NRXN1: variants seen among roughly 807,000 people sequenced by gnomAD.
The protein encoded by NRXN1 is neurexin-1.
In NRXN1, 39 loss-of-function variants were observed where a neutral mutation model predicts 150.9. The ratio of observed to expected loss-of-function variants is 0.26; its 90% CI spans 0.20 to 0.34. The LOEUF (loss-of-function observed/expected upper bound fraction) is 0.34, where lower values mean the gene tolerates loss of function less well. Ranked by LOEUF, NRXN1 falls within the 10% of genes least tolerant of loss-of-function variation. The pLI is 1.00. For synonymous variants in NRXN1, 924 were observed against 757.0 expected, an observed-to-expected ratio of 1.22 and a Z score of -3.62; for missense variants, 1,815 against 1,949.9, an observed-to-expected ratio of 0.93 and a Z score of 1.30.
At chr2:50,890,891 T>A (rs1680943154) in intron 5 of NRXN1, among the ~76,000 whole-genome samples, 1 of 151,984 alleles carries the variant, frequency 6.6e-6, no homozygotes, top group Non-Finnish European at 1.5e-5. Flanking sequence ...TTCAGTAATA[T>A]CATTATTCTT....
intron 5 of NRXN1, among the ~76,000 whole-genome samples, chr2:50,842,225 A>G (rs1015392523): frequency 3.3e-5 from 5 of 152,110 alleles, no homozygotes; most frequent in Admixed American, 6.6e-5. Flanking sequence ...CCCCCTTCAA[A>G]TGGCTTTTCT....
At chr2:50,658,313 A>T (rs1156266888) in intron 5 of NRXN1, among the ~76,000 whole-genome samples, 1 of 151,834 alleles carries the variant, frequency 6.6e-6, no homozygotes, top group African/African-American at 2.4e-5. Flanking sequence ...TGACCTGCCC[A>T]ATGCGACATC....
chr2:50,545,399 C>A (rs2093472430), intron 9 of NRXN1, among the ~76,000 whole-genome samples: 2 of 152,122 alleles, frequency 1.3e-5, no homozygotes, highest in South Asian at 4.1e-4. Context: ...ACTCAGCATT[C>A]CACAGTAAGG....
chr2:50,184,152 C>T (rs537469875), intron 18 of NRXN1, among the ~76,000 whole-genome samples: 139 of 152,118 alleles, frequency 9.1e-4, no homozygotes, highest in Non-Finnish European at 1.7e-3. Context: ...TCATATTAAA[C>T]AAAAAACTTG....
chr2:50,335,682 G>A (rs369585331), intron 17 of NRXN1, among the ~76,000 whole-genome samples: 1 of 152,200 alleles, frequency 6.6e-6, no homozygotes, highest in African/African-American at 2.4e-5. Context: ...GGACAAAGGG[G>A]ATACAAATTG....
At chr2:50,630,655 T>C (rs1201140060) in intron 5 of NRXN1, among the ~76,000 whole-genome samples, 1 of 151,820 alleles carries the variant, frequency 6.6e-6, no homozygotes, top group Non-Finnish European at 1.5e-5. Flanking sequence ...TTGATTATAT[T>C]GCTTTTCATA....
intron 17 of NRXN1, among the ~76,000 whole-genome samples, chr2:50,388,053 A>C (rs1468483483): frequency 6.6e-6 from 1 of 152,136 alleles, no homozygotes; most frequent in Non-Finnish European, 1.5e-5. Flanking sequence ...TTTTACTTGA[A>C]ACTTTTTGAT....
Position 50,589,266 on chromosome 2 carries a change from G to A in NRXN1, c.1320+30756C>T, listed in dbSNP as rs188279156. 948 of 152,442 alleles carry A rather than the reference G, an allele frequency of 6.2e-3. 6 individuals are homozygous for A. The highest frequency in any genetic ancestry group is 0.017 in the Middle Eastern group (5 of 294). The allele number at this position is 152,442 out of a possible 1,614,324, so 9.4% of individuals were successfully genotyped here. A position where few individuals can be genotyped will look rare whatever the true frequency, so the allele number is the denominator to read the frequency against. On this transcript the variant is annotated intron_variant, in intron 8 of 22. Transcript: ENST00000401669. Reference sequence around the variant, plus strand: ...GTTTGGTATTGAGATATGGCAGGGGGTTTATGTTAATAATTGTCACAATGA... The same window carrying A: ...GTTTGGTATTGAGATATGGCAGGGGATTTATGTTAATAATTGTCACAATGA...
intron 5 of NRXN1, among the ~76,000 whole-genome samples, chr2:50,833,548 A>T (rs565335935): frequency 6.6e-6 from 1 of 152,330 alleles, no homozygotes; most frequent in Non-Finnish European, 1.5e-5. Flanking sequence ...CTAGTCTCAA[A>T]CAGTTCCACA....
rs957946362 is a variant in NRXN1, at chr2:50,442,269, C to G, written c.3364+23173G>C. On this transcript the variant is annotated intron_variant, in intron 17 of 22. Transcript: ENST00000401669. Reference sequence around the variant, plus strand: ...GCACCATGCCTAGCACATAGTGGTCCTACATGTTGCCTATCATTATTATTT... The same window carrying G: ...GCACCATGCCTAGCACATAGTGGTCGTACATGTTGCCTATCATTATTATTT... Among the ~76,000 whole-genome samples, 4 of 152,146 alleles carry G rather than the reference C, an allele frequency of 2.6e-5. 1 individual carries two copies. The South Asian group carries it at 8.3e-4, about 32-fold the overall frequency.
At chr2:50,373,994 T>C (rs2080298535) in intron 17 of NRXN1, among the ~76,000 whole-genome samples, 1 of 151,992 alleles carries the variant, frequency 6.6e-6, no homozygotes, top group Non-Finnish European at 1.5e-5. Context: ...ACACATAAAA[T>C]GGTAGTTAGA....
intron 18 of NRXN1, among the ~76,000 whole-genome samples, chr2:50,104,956 G>A (rs980244080): frequency 1.3e-5 from 2 of 151,976 alleles, no homozygotes. Context: ...CATTTTGCCA[G>A]CCTACCAATC....
chr2:50,538,351 C>T lies in NRXN1; in HGVS notation c.2045G>A (p.Ser682Asn). 1 of 1,613,972 alleles carries T rather than the reference C, an allele frequency of 6.2e-7. No individual in the cohort carries two copies. Residue 682 changes from serine to asparagine, a missense_variant, in exon 10 of 23, where the codon AGC becomes AAC. Coordinates refer to ENST00000401669, the MANE Select transcript of NRXN1 (RefSeq NM_001330078.2). ...CATGCCATTGTTTTTGCAAGGGTTG[C>T]TAAGGCACGGTTTTGCTGTTTCCTT... ...CSKETAKPCL[S>N]NPCKNNGMCR... is the part of the protein sequence containing the mutation.
At chr2:50,306,962 A>G (rs775351790) in intron 17 of NRXN1, among the ~76,000 whole-genome samples, 1 of 152,116 alleles carries the variant, frequency 6.6e-6, no homozygotes, top group African/African-American at 2.4e-5. Context: ...TGTCTGCCCT[A>G]ATATGAGCAT....
intron 5 of NRXN1, among the ~76,000 whole-genome samples, chr2:50,731,473 C>T (rs1194743495): frequency 6.6e-6 from 1 of 151,974 alleles, no homozygotes; most frequent in African/African-American, 2.4e-5. Context: ...AAAATGTTAT[C>T]CGGCAGATAC....
chr2:50,486,807 G>C (rs1209475988), intron 15 of NRXN1, among the ~76,000 whole-genome samples: 1 of 152,072 alleles, frequency 6.6e-6, no homozygotes, highest in Non-Finnish European at 1.5e-5. Flanking sequence ...TGGGAAATTG[G>C]CCTAAATATT....
intron 18 of NRXN1, among the ~76,000 whole-genome samples, chr2:50,196,893 A>G (rs556894961): frequency 2.0e-5 from 3 of 152,046 alleles, no homozygotes; most frequent in Admixed American, 2.0e-4. Context: ...AACAACAGAC[A>G]CTGAGATCTA....
intron 5 of NRXN1, among the ~76,000 whole-genome samples, chr2:50,778,161 G>C (rs1462950006): frequency 2.6e-5 from 4 of 151,998 alleles, no homozygotes; most frequent in African/African-American, 9.7e-5. Context: ...GCTGCCACTT[G>C]CAAACCTGTC....
At chr2:50,041,478 T>C (rs17495366) in intron 21 of NRXN1, among the ~76,000 whole-genome samples, 29,127 of 152,160 alleles carry the variant, frequency 0.19, 3,726 homozygotes, top group Non-Finnish European at 0.28. Flanking sequence ...TTAGGCTTCC[T>C]AGAGATTTTC....
Sources: allele counts gnomAD v4.1 joint callset (sites outside exome capture counted in the v4.1 genomes callset), GRCh38; gene constraint gnomAD v4.1.1; transcripts MANE v1.5; gene names NCBI Gene and HGNC (gene_info 2026-07-23, HGNC 2026-07-21).